The following ROR2 variants were observed in gnomAD, a reference collection of about 807,000 sequenced individuals.
The protein encoded by ROR2 is ROR family WNT receptor 2.
ROR2 carries 33 observed loss-of-function variants against 74.9 expected under a neutral mutation model. The observed-to-expected ratio is 0.44, with a 90% CI of 0.33 to 0.59. ROR2 has a LOEUF of 0.59. ROR2 is among the 20% of genes least tolerant of loss of function. The pLI, the probability that ROR2 is intolerant of heterozygous loss-of-function variation, is 0.02. For synonymous variants in ROR2, 586 were observed against 558.7 expected (o/e 1.05, Z -0.69); for missense variants, 1,216 against 1,313.8 (o/e 0.93, Z 1.15).
chr9:91,758,242 G>C (rs1159861492), intron 2 of ROR2, among the ~76,000 whole-genome samples: 1 of 152,166 alleles, frequency 6.6e-6, no homozygotes, highest in Non-Finnish European at 1.5e-5. Context: ...TTGATTTGGA[G>C]GTTACAAATA....
intron 4 of ROR2, among the ~76,000 whole-genome samples, chr9:91,743,141 A>T (rs1244310517): frequency 1.3e-5 from 2 of 152,218 alleles, no homozygotes; most frequent in Middle Eastern, 3.2e-3. Flanking sequence ...ATGATGCATG[A>T]CTGTATAACA....
intron 1 of ROR2, among the ~76,000 whole-genome samples, chr9:91,800,741 C>T (rs1047913564): frequency 2.6e-5 from 4 of 152,204 alleles, no homozygotes; most frequent in Non-Finnish European, 5.9e-5. Context: ...CCATTCCCAG[C>T]GGGCTTCACG....
intron 6 of ROR2, 56 bp from the exon 7 acceptor site, chr9:91,731,211 C>T: frequency 3.7e-6 from 6 of 1,610,366 alleles, no homozygotes; most frequent in Non-Finnish European, 5.1e-6. Flanking sequence ...ACCATTCTGC[C>T]TACACATGCC....
intron 6 of ROR2, among the ~76,000 whole-genome samples, chr9:91,732,574 T>C (rs1281876192): frequency 6.6e-6 from 1 of 152,178 alleles, no homozygotes; most frequent in Non-Finnish European, 1.5e-5. Flanking sequence ...CAGGTTCTTC[T>C]CAGGTGCCCT....
At chr9:91,775,984 T>C (rs1045551252) in intron 1 of ROR2, among the ~76,000 whole-genome samples, 166 bp from the exon 2 acceptor site, 1 of 152,212 alleles carries the variant, frequency 6.6e-6, no homozygotes, top group African/African-American at 2.4e-5. Context: ...TTTATAGTGA[T>C]ATAAAGATAT....
rs1310719283 is a variant in ROR2 at position 91,828,713 on chromosome 9, CAAAT to C, written c.98-52899_98-52896del. Among the ~76,000 whole-genome samples, 20 of 152,170 alleles carry C rather than the reference CAAAT, an allele frequency of 1.3e-4. No individual in the cohort carries two copies. In the South Asian group the frequency reaches 3.9e-3, roughly 30 times the overall value. On this transcript the variant is annotated intron_variant, in intron 1 of 8. Coordinates refer to ENST00000375708, the MANE Select transcript of ROR2 (RefSeq NM_004560.4). ...TGAGTAACAGAGCAAGACCCTGTCT[CAAAT>C]AAATAAATAAATAAAGCACATATTC...
At chr9:91,847,601 C>T (rs984520066) in intron 1 of ROR2, among the ~76,000 whole-genome samples, 14 of 152,018 alleles carry the variant, frequency 9.2e-5, no homozygotes, top group African/African-American at 3.4e-4. Context: ...CCCAGGCAGG[C>T]GGGACCCAAC....
intron 6 of ROR2, 110 bp from the exon 7 acceptor site, chr9:91,731,265 C>G: frequency 6.7e-7 from 1 of 1,502,118 alleles, no homozygotes. Context: ...ACATAACTTA[C>G]CAGAAAAGAG....
rs61494834 is a variant in ROR2 at position 91,928,166 on chromosome 9, G to GCAGGCAC, written c.97+21694_97+21700dup. 3.9e-3 allele frequency among the ~76,000 whole-genome samples: 599 copies of GCAGGCAC among 152,132 alleles called. 3 individuals carry two copies. Among genetic ancestry groups the GCAGGCAC allele is most frequent in the Middle Eastern group, 0.01 (3 of 294 alleles). ...CTTCTTGGCCCTATGTGACCCCAGG[G>GCAGGCAC]CAGGCACCAGGCACCAGACACCCAG... On this transcript the variant is annotated intron_variant, in intron 1 of 8. Transcript: ENST00000375708.
intron 4 of ROR2, among the ~76,000 whole-genome samples, chr9:91,748,303 AG>A (rs1433737590): frequency 6.9e-6 from 1 of 144,748 alleles, no homozygotes; most frequent in African/African-American, 2.5e-5. Context: ...CAAAGAGAAT[AG>A]ACTTTAAGTG....
At chr9:91,827,246 CATTAT>C (rs149358049) in intron 1 of ROR2, among the ~76,000 whole-genome samples, 5 of 152,162 alleles carry the variant, frequency 3.3e-5, no homozygotes, top group East Asian at 1.9e-4. Flanking sequence ...ACTAAATCAA[CATTAT>C]ATTATAAAAA....
chr9:91,944,266 G>A (rs1351990825), intron 1 of ROR2, among the ~76,000 whole-genome samples: 1 of 152,198 alleles, frequency 6.6e-6, no homozygotes, highest in African/African-American at 2.4e-5. Flanking sequence ...AAAAGGCACA[G>A]TCATATACAG....
intron 1 of ROR2, among the ~76,000 whole-genome samples, chr9:91,800,354 A>G (rs111436188): frequency 2.0e-5 from 3 of 149,388 alleles, no homozygotes; most frequent in Non-Finnish European, 4.4e-5. Context: ...AAAAAAAAAA[A>G]AGAGAGAGAG....
intron 1 of ROR2, among the ~76,000 whole-genome samples, chr9:91,851,119 G>A (rs1256033068): frequency 2.0e-5 from 3 of 152,092 alleles, no homozygotes; most frequent in South Asian, 2.1e-4. Flanking sequence ...TTGGGAGGCC[G>A]AGGCAGATGG....
intron 2 of ROR2, among the ~76,000 whole-genome samples, chr9:91,770,987 G>C (rs1024069821): frequency 6.6e-6 from 1 of 152,168 alleles, no homozygotes; most frequent in Non-Finnish European, 1.5e-5. Context: ...AGGGAGCTCT[G>C]CTGACTGCTT....
At chr9:91,754,571 CCTGAA>C (rs1825685939) in intron 4 of ROR2, among the ~76,000 whole-genome samples, 1 of 152,084 alleles carries the variant, frequency 6.6e-6, no homozygotes, top group African/African-American at 2.4e-5. Context: ...AGGAGAATTG[CCTGAA>C]CTTGGCAGGC....
chr9:91,821,095 C>T (rs1380657937), intron 1 of ROR2, among the ~76,000 whole-genome samples: 2 of 136,126 alleles, frequency 1.5e-5, no homozygotes, highest in Admixed American at 1.6e-4. Flanking sequence ...AATGAGACTT[C>T]GTCTCAAAAA....
chr9:91,942,494 C>T (rs1026431359), intron 1 of ROR2, among the ~76,000 whole-genome samples: 4 of 152,140 alleles, frequency 2.6e-5, no homozygotes, highest in African/African-American at 9.7e-5. Context: ...ACAGTTATTG[C>T]TGTAAAATGT....
At chr9:91,780,728 T>C (rs765651335) in intron 1 of ROR2, among the ~76,000 whole-genome samples, 6 of 151,746 alleles carry the variant, frequency 4.0e-5, no homozygotes, top group Non-Finnish European at 7.4e-5. Flanking sequence ...GAGGTGGAGG[T>C]TGCAGTGAGA....
Sources: allele counts gnomAD v4.1 joint callset (sites outside exome capture counted in the v4.1 genomes callset), GRCh38; gene constraint gnomAD v4.1.1; transcripts MANE v1.5; gene names NCBI Gene and HGNC (gene_info 2026-07-23, HGNC 2026-07-21).